The following HDGFL3 variants were observed in gnomAD, a reference collection of about 807,000 sequenced individuals.
HDGFL3 encodes HDGF like 3.
HDGFL3 carries 6 observed loss-of-function variants against 27.6 expected under a neutral mutation model. The observed-to-expected ratio is 0.22, with a 90% confidence interval of 0.12 to 0.43. The LOEUF is 0.43. Ranked by LOEUF, HDGFL3 falls within the 20% of genes least tolerant of loss-of-function variation. HDGFL3 has a pLI of 1.00. For missense variants in HDGFL3, 207 were observed against 250.1 expected (o/e 0.83, Z 1.16); for synonymous variants, 88 against 88.9 (o/e 0.99, Z 0.05).
At chr15:83,127,068 C>T (rs187595434), downstream of HDGFL3, among the ~76,000 whole-genome samples, 147 of 152,116 alleles carry the variant, frequency 9.7e-4, no homozygotes, top group African/African-American at 3.5e-3. Flanking sequence ...GTGGCACATG[C>T]CTGTAATCCC....
chr15:83,175,880 A>G (rs768771412), intron 1 of HDGFL3, among the ~76,000 whole-genome samples: 1 of 152,184 alleles, frequency 6.6e-6, no homozygotes, highest in Non-Finnish European at 1.5e-5. Context: ...AACAAAAAAA[A>G]ACACACATTA....
rs377072099 is a variant in HDGFL3, at chr15:83,136,434, T to A, written c.*2836A>T. On this transcript the variant is annotated 3_prime_UTR_variant, in exon 6 of 6. Transcript: ENST00000299633. The stretch of plus-strand genomic sequence containing the variant: ...ATTCAGAACTCATCATGCATCCAAC[T>A]GAACACGTTTCATGCTTACTCAATT... The A allele has an allele frequency of 6.6e-7, 1 of 1,512,232 alleles. No individual in the cohort carries two copies. Among genetic ancestry groups the A allele is most frequent in the East Asian group, 2.3e-5 (1 of 44,102 alleles). 93.7% of individuals were successfully genotyped at this position (1,512,232 alleles called of 1,614,324 possible). A position where few individuals can be genotyped will look rare whatever the true frequency, so the allele number is the denominator to read the frequency against.
chr15:83,192,343 T>C lies in HDGFL3; in HGVS notation c.84+14988A>G, dbSNP rs1223079800. 6.6e-6 allele frequency: 3 copies of C among 454,434 alleles called. No homozygotes were observed. In the Admixed American group the frequency reaches 7.1e-5, roughly 11 times the overall value. 28.2% of individuals were successfully genotyped at this position (454,434 alleles called of 1,614,324 possible). Reference sequence around the variant, plus strand: ...AAAAACAAAACAAAACAAATTTTGATAGACATGCACTCCTGACAGGGTTGC... The same window carrying C: ...AAAAACAAAACAAAACAAATTTTGACAGACATGCACTCCTGACAGGGTTGC... On this transcript the variant is annotated intron_variant, in intron 1 of 5. Transcript: ENST00000299633.
At chr15:83,118,361 G>A (rs2034894688) in intron 3 of HDGFL3, among the ~76,000 whole-genome samples, 3 of 152,126 alleles carry the variant, frequency 2.0e-5, no homozygotes, top group Admixed American at 2.0e-4. Flanking sequence ...AGGACCTGTG[G>A]CCTGTGCACC....
chr15:83,181,571 G>A (rs193119688), intron 1 of HDGFL3, among the ~76,000 whole-genome samples: 1 of 152,256 alleles, frequency 6.6e-6, no homozygotes, highest in African/African-American at 2.4e-5. Flanking sequence ...CGCCTCCTGG[G>A]TTCAAGTGGT....
chr15:83,207,103 T>C lies in HDGFL3; in HGVS notation c.84+228A>G, dbSNP rs1470435148. ...CGGGCCTGCGGGGGCCGGACCCGCCTTCGAAAGTGGGCGGAAGGATGGCCG... is the reference window on the plus strand; with the variant it reads ...CGGGCCTGCGGGGGCCGGACCCGCCCTCGAAAGTGGGCGGAAGGATGGCCG... On this transcript the variant is annotated intron_variant, in intron 1 of 5. Transcript: ENST00000299633. The surrounding 1 kb of genome is among the most constrained non-coding windows in gnomAD (Gnocchi z 4.8). Among the ~76,000 whole-genome samples, 1 of 152,134 alleles carries C rather than the reference T, an allele frequency of 6.6e-6. No homozygotes were observed. Among genetic ancestry groups the C allele is most frequent in the African/African-American group, 2.4e-5 (1 of 41,446 alleles).
Position 83,136,697 on chromosome 15 carries a change from TCTAAATTA to T in HDGFL3, c.*2565_*2572del, listed in dbSNP as rs779492780. On this transcript the variant is annotated 3_prime_UTR_variant, in exon 6 of 6. Coordinates refer to ENST00000299633, the MANE Select transcript of HDGFL3 (RefSeq NM_016073.4). Reference sequence around the variant, plus strand: ...AAAATATTACTTCATGTTCCTCCTTTCTAAATTACTAACTTTTGTTATACTGGTACTGA... The same window carrying T: ...AAAATATTACTTCATGTTCCTCCTTTCTAACTTTTGTTATACTGGTACTGA... The T allele has an allele frequency of 6.4e-7, 1 of 1,566,676 alleles. No homozygotes were observed. Among genetic ancestry groups the T allele is most frequent in the Admixed American group, 1.9e-5 (1 of 51,700 alleles).
rs2036168832 is a variant in HDGFL3, at chr15:83,130,673, A to G, written c.*8597T>C. On this transcript the variant is annotated 3_prime_UTR_variant, in exon 6 of 6. Coordinates refer to ENST00000299633, the MANE Select transcript of HDGFL3 (RefSeq NM_016073.4). ...GTAGGCTAAGGAAAAGTTAGAAGCC[A>G]TGCCGCAACAAAACAATAGATATGA... 1 of 152,260 alleles carries G rather than the reference A, an allele frequency of 6.6e-6. No individual in the cohort carries two copies. Among genetic ancestry groups the G allele is most frequent in the Non-Finnish European group, 1.5e-5 (1 of 68,060 alleles). The allele number at this position is 152,260 out of a possible 1,614,324, so 9.4% of individuals were successfully genotyped here.
downstream of HDGFL3, chr15:83,123,016 T>G: frequency 1.1e-6 from 1 of 919,658 alleles, no homozygotes; most frequent in Non-Finnish European, 1.6e-6. Context: ...TTTGATTATG[T>G]AGCATTAGCT....
rs1193846997 is a variant in HDGFL3, at chr15:83,135,482, T to A, written c.*3788A>T. The A allele has an allele frequency of 6.6e-6, 1 of 152,246 alleles. No individual in the cohort carries two copies. The highest frequency in any genetic ancestry group is 2.4e-5 in the African/African-American group (1 of 41,462). 9.4% of individuals were successfully genotyped at this position (152,246 alleles called of 1,614,324 possible). The stretch of plus-strand genomic sequence containing the variant: ...ATTTAGATTCCCAATCCTTTATTCA[T>A]GTGTATCTTGAATTTCAGCAAGATA... On this transcript the variant is annotated 3_prime_UTR_variant, in exon 6 of 6. Transcript: ENST00000299633.
At chr15:83,118,641 T>C (rs2034921623) in intron 3 of HDGFL3, among the ~76,000 whole-genome samples, 1 of 152,198 alleles carries the variant, frequency 6.6e-6, no homozygotes, top group Non-Finnish European at 1.5e-5. Flanking sequence ...GAGAAAGCCC[T>C]GCTTGCTTGG....
At chr15:83,124,552 A>G, downstream of HDGFL3, 1 of 718,250 alleles carries the variant, frequency 1.4e-6, no homozygotes, top group Admixed American at 2.5e-5. Context: ...CCAGTGATTT[A>G]TGATATAAAT....
At chr15:83,160,874 GTTTAAGAAGCACCAAACT>G (rs1440220482) in intron 2 of HDGFL3, among the ~76,000 whole-genome samples, 1 of 152,106 alleles carries the variant, frequency 6.6e-6, no homozygotes, top group African/African-American at 2.4e-5. Context: ...CCCCAGAGCG[GTTTAAGAAGCACCAAACT>G]TTTAAGAAGC....
chr15:83,121,034 T>G (rs1340628398), intron 3 of HDGFL3, among the ~76,000 whole-genome samples: 2 of 152,046 alleles, frequency 1.3e-5, no homozygotes, highest in African/African-American at 4.8e-5. Flanking sequence ...TGTTACATAG[T>G]GTGGAGTTTG....
chr15:83,125,789 G>A (rs188843315), downstream of HDGFL3, among the ~76,000 whole-genome samples: 4 of 152,322 alleles, frequency 2.6e-5, no homozygotes, highest in Non-Finnish European at 4.4e-5. Context: ...TTGGGCTACT[G>A]GGGGCCTGTG....
chr15:83,154,278 G>T (rs2037001078), intron 4 of HDGFL3, among the ~76,000 whole-genome samples: 1 of 151,740 alleles, frequency 6.6e-6, no homozygotes, highest in Admixed American at 6.6e-5. Context: ...AGAGGTTGCA[G>T]TGAGCTGAGA....
chr15:83,194,986 G>A (rs1478339524), intron 1 of HDGFL3, among the ~76,000 whole-genome samples: 2 of 152,174 alleles, frequency 1.3e-5, no homozygotes, highest in African/African-American at 4.8e-5. Flanking sequence ...CACTCAGGAT[G>A]CAGTGTTATC....
intron 1 of HDGFL3, among the ~76,000 whole-genome samples, chr15:83,192,550 C>T (rs12443109): frequency 0.25 from 37,832 of 151,988 alleles, 5,046 homozygotes; most frequent in African/African-American, 0.34. Flanking sequence ...TGTAATATTT[C>T]CATAAGTACA....
intron 2 of HDGFL3, among the ~76,000 whole-genome samples, chr15:83,163,207 A>C (rs534104911): frequency 5.8e-4 from 89 of 152,318 alleles, no homozygotes; most frequent in Non-Finnish European, 9.1e-4. Flanking sequence ...TGTTTCCTTT[A>C]AAGTCGCAGT....
Sources: gnomAD v4.1 joint callset for allele counts (sites outside exome capture counted in the v4.1 genomes callset) on GRCh38, gnomAD v4.1.1 for gene constraint, Gnocchi (gnomAD v3.1) non-coding constraint, MANE v1.5 for transcripts, NCBI Gene and HGNC (gene_info 2026-07-23, HGNC 2026-07-21) for gene names.